Variants in PTPRQ observed in about 807,000 individuals in gnomAD.
PTPRQ encodes the protein phosphatidylinositol phosphatase PTPRQ.
Under a neutral mutation model 246.0 loss-of-function variants are expected in PTPRQ, and 199 were observed. The observed-to-expected ratio is 0.81, with a 90% CI of 0.72 to 0.91. The LOEUF (loss-of-function observed/expected upper bound fraction) is 0.91. PTPRQ is among the 40% of genes least tolerant of loss of function. The pLI, the probability that PTPRQ is intolerant of heterozygous loss-of-function variation, is 0.00. For synonymous variants in PTPRQ, 869 were observed against 853.2 expected, an observed-to-expected ratio of 1.02 and a Z score of -0.32; for missense variants, 2,624 against 2,528.4, an observed-to-expected ratio of 1.04 and a Z score of -0.81.
intron 25 of PTPRQ, among the ~76,000 whole-genome samples, chr12:80,570,201 A>G (rs764636942): frequency 3.3e-5 from 5 of 152,232 alleles, no homozygotes; most frequent in Non-Finnish European, 7.3e-5. Context: ...TCCTACGAAC[A>G]GTATAAAAGT....
chr12:80,648,750 A>ATGTGCTATGCC, intron 35 of PTPRQ, 147 bp from the exon 36 acceptor site: 1 of 562,866 alleles, frequency 1.8e-6, no homozygotes, highest in Non-Finnish European at 2.7e-6. Context: ...AATAAATAAA[A>ATGTGCTATGCC]TTTAAAATAA....
intron 26 of PTPRQ, among the ~76,000 whole-genome samples, chr12:80,600,407 C>T (rs187995619): frequency 3.7e-4 from 56 of 151,886 alleles, no homozygotes; most frequent in Non-Finnish European, 5.9e-5. Flanking sequence ...TACAGACACA[C>T]TCACAAGCCA....
At chr12:80,602,138 C>A (rs571781954) in intron 26 of PTPRQ, among the ~76,000 whole-genome samples, 1 of 151,754 alleles carries the variant, frequency 6.6e-6, no homozygotes, top group Admixed American at 6.6e-5. Context: ...TTCAGAAGTA[C>A]AAATAGGAAG....
At chr12:80,467,243 A>C (rs1313236853) in intron 6 of PTPRQ, among the ~76,000 whole-genome samples, 1 of 151,424 alleles carries the variant, frequency 6.6e-6, no homozygotes, top group Non-Finnish European at 1.5e-5. Flanking sequence ...GCAGCCAAAA[A>C]ACACATGAAA....
At chr12:80,581,575 C>A (rs1897436928) in intron 25 of PTPRQ, among the ~76,000 whole-genome samples, 1 of 151,858 alleles carries the variant, frequency 6.6e-6, no homozygotes, top group Non-Finnish European at 1.5e-5. Flanking sequence ...GTTGAGGCTG[C>A]AATGAGCCAT....
At chr12:80,473,051 A>ACGCG (rs1202125045) in intron 8 of PTPRQ, among the ~76,000 whole-genome samples, 4 of 135,968 alleles carry the variant, frequency 2.9e-5, no homozygotes, top group African/African-American at 1.2e-4. Context: ...ACACACGCAC[A>ACGCG]CACACACACA....
intron 39 of PTPRQ, among the ~76,000 whole-genome samples, chr12:80,662,170 C>T (rs1900653878): frequency 6.6e-6 from 1 of 151,846 alleles, no homozygotes; most frequent in Non-Finnish European, 1.5e-5. Context: ...ATAGTTAAAT[C>T]TCAAAGGATG....
intron 6 of PTPRQ, among the ~76,000 whole-genome samples, chr12:80,463,700 G>A (rs1156889864): frequency 6.6e-6 from 1 of 151,584 alleles, no homozygotes; most frequent in Non-Finnish European, 1.5e-5. Context: ...AGAAGAGAGT[G>A]GGGGCCAATA....
chr12:80,481,053 C>T (rs1245720570), intron 8 of PTPRQ, among the ~76,000 whole-genome samples: 2 of 152,096 alleles, frequency 1.3e-5, no homozygotes, highest in Admixed American at 6.6e-5. Flanking sequence ...ATACCAAAGC[C>T]AGGCAGAGAC....
chr12:80,538,631 A>G (rs531780237), intron 19 of PTPRQ, among the ~76,000 whole-genome samples: 3 of 152,218 alleles, frequency 2.0e-5, no homozygotes, highest in Non-Finnish European at 4.4e-5. Flanking sequence ...ATTGCACTAT[A>G]TTTTTCCCTG....
chr12:80,486,879 A>G (rs1894293854), intron 9 of PTPRQ, among the ~76,000 whole-genome samples: 1 of 151,978 alleles, frequency 6.6e-6, no homozygotes, highest in African/African-American at 2.4e-5. Flanking sequence ...CTGTCCCCCC[A>G]CTTTTCAGCT....
chr12:80,532,065 T>A (rs1895860662), intron 17 of PTPRQ, among the ~76,000 whole-genome samples: 1 of 152,120 alleles, frequency 6.6e-6, no homozygotes, highest in Admixed American at 6.6e-5. Context: ...TGGTAGATAC[T>A]TATGTACAAG....
At chr12:80,551,887 T>A (rs759258244) in intron 25 of PTPRQ, among the ~76,000 whole-genome samples, 6 of 152,024 alleles carry the variant, frequency 3.9e-5, no homozygotes, top group Non-Finnish European at 8.8e-5. Flanking sequence ...ATTCTCTTCT[T>A]TAAACATATC....
At position 80,652,965 on chromosome 12, in the gene PTPRQ, A is replaced by C. The variant is rs920892905; in HGVS notation, c.6115+131A>C. 2.8e-6 allele frequency: 3 copies of C among 1,062,728 alleles called. No homozygotes were observed. The African/African-American group carries it at 5.0e-5, about 18-fold the overall frequency. The allele number at this position is 1,062,728 out of a possible 1,614,324, so 65.8% of individuals were successfully genotyped here. ...ATAATAATGTATTTTATTGGCAGTG[A>C]CTACCAAATTATATATCTTTTGCTT... On this transcript the variant is annotated intron_variant, in intron 38 of 44. Coordinates refer to ENST00000644991, the MANE Select transcript of PTPRQ (RefSeq NM_001145026.2).
At chr12:80,458,708 C>A (rs1893053805) in intron 4 of PTPRQ, among the ~76,000 whole-genome samples, 1 of 151,912 alleles carries the variant, frequency 6.6e-6, no homozygotes, top group South Asian at 2.1e-4. Context: ...ATATTGGTTT[C>A]AAGCCAACTC....
intron 17 of PTPRQ, among the ~76,000 whole-genome samples, chr12:80,527,509 A>T (rs12310808): frequency 0.25 from 38,175 of 151,912 alleles, 5,491 homozygotes; most frequent in African/African-American, 0.39. Context: ...TTCCCATATT[A>T]TCATTAATAA....
intron 9 of PTPRQ, among the ~76,000 whole-genome samples, chr12:80,485,595 T>A (rs1894246668): frequency 6.6e-6 from 1 of 152,190 alleles, no homozygotes; most frequent in Non-Finnish European, 1.5e-5. Context: ...CACCCAGGAC[T>A]TATCACTCCA....
chr12:80,558,115 C>CTT, intron 25 of PTPRQ, among the ~76,000 whole-genome samples: 1 of 116,446 alleles, frequency 8.6e-6, no homozygotes, highest in Middle Eastern at 3.9e-3. Flanking sequence ...TCTTTCTTTT[C>CTT]TTTCTTTCTT....
chr12:80,584,069 A>G (rs1436239283), intron 25 of PTPRQ: 1 of 152,196 alleles, frequency 6.6e-6, no homozygotes, highest in Non-Finnish European at 1.5e-5. Flanking sequence ...TCCTCCTTTT[A>G]GAGGGCTCAG....
Sources: gnomAD v4.1 joint callset for allele counts (sites outside exome capture counted in the v4.1 genomes callset) on GRCh38, gnomAD v4.1.1 for gene constraint, MANE v1.5 for transcripts, NCBI Gene and HGNC (gene_info 2026-07-23, HGNC 2026-07-21) for gene names.